Variants in ACMSD observed in about 807,000 individuals in gnomAD.
ACMSD encodes aminocarboxymuconate semialdehyde decarboxylase, also known as 2-amino-3-carboxymuconate-6-semialdehyde decarboxylase.
ACMSD carries 37 observed loss-of-function variants against 45.9 expected under a neutral mutation model. The ratio of observed to expected loss-of-function variants is 0.81; its 90% confidence interval spans 0.62 to 1.06. The LOEUF (loss-of-function observed/expected upper bound fraction) is 1.06, where lower values mean the gene tolerates loss of function less well. Ranked by LOEUF, ACMSD falls within the 50% of genes least tolerant of loss-of-function variation. ACMSD has a pLI of 0.00. For synonymous variants in ACMSD, 138 were observed against 148.8 expected (o/e 0.93, Z 0.53); for missense variants, 434 against 420.9 (o/e 1.03, Z -0.27).
chr2:134,853,339 T>C (rs1687436506), intron 2 of ACMSD, among the ~76,000 whole-genome samples: 1 of 152,000 alleles, frequency 6.6e-6, no homozygotes, highest in African/African-American at 2.4e-5. Flanking sequence ...GACTCCAAGA[T>C]GAAGTTCTGG....
chr2:134,888,936 T>C (rs764284498), intron 8 of ACMSD, among the ~76,000 whole-genome samples: 27 of 152,350 alleles, frequency 1.8e-4, no homozygotes, highest in Non-Finnish European at 4.0e-4. Flanking sequence ...GCAATGCCAG[T>C]GTATTCTTTG....
chr2:134,871,682 G>GACACACACACACAC lies in ACMSD; in HGVS notation c.676+640_676+653dup, dbSNP rs1170611331. ...TGAATTTGTGACCCTTCAACAGACAGACACACACACACACACACACACACA... is the reference window on the plus strand; with the variant it reads ...TGAATTTGTGACCCTTCAACAGACAGACACACACACACACACACACACACACACACACACACACA... On this transcript the variant is annotated intron_variant, in intron 7 of 9. Transcript: ENST00000356140. Among the ~76,000 whole-genome samples, 237 of 138,994 alleles carry GACACACACACACAC rather than the reference G, an allele frequency of 1.7e-3. 2 individuals are homozygous for GACACACACACACAC. The highest frequency in any genetic ancestry group is 1.4e-3 in the Non-Finnish European group (89 of 64,864). The allele number at this position is 138,994 out of a possible 152,430, so 91.2% of individuals were successfully genotyped here. A position where few individuals can be genotyped will look rare whatever the true frequency, so the allele number is the denominator to read the frequency against.
chr2:134,883,587 G>A (rs1350845137), intron 8 of ACMSD, among the ~76,000 whole-genome samples: 1 of 152,104 alleles, frequency 6.6e-6, no homozygotes, highest in African/African-American at 2.4e-5. Context: ...CTGCAGCCTT[G>A]AACTCCTGGA....
At chr2:134,871,678 G>C (rs79090623) in intron 7 of ACMSD, among the ~76,000 whole-genome samples, 10 of 137,738 alleles carry the variant, frequency 7.3e-5, no homozygotes, top group South Asian at 2.4e-4. Flanking sequence ...CCCTTCAACA[G>C]ACAGACACAC....
intron 5 of ACMSD, among the ~76,000 whole-genome samples, chr2:134,864,525 A>G (rs1453372038): frequency 3.3e-5 from 5 of 152,216 alleles, no homozygotes; most frequent in East Asian, 1.9e-4. Flanking sequence ...AATTTCCAAC[A>G]TAAGTGAAAA....
chr2:134,858,384 T>C (rs770528872), intron 2 of ACMSD, among the ~76,000 whole-genome samples: 5 of 151,892 alleles, frequency 3.3e-5, no homozygotes, highest in African/African-American at 7.3e-5. Flanking sequence ...TGGGGAGAGA[T>C]TGAGAAGGTC....
intron 2 of ACMSD, among the ~76,000 whole-genome samples, chr2:134,849,807 A>T (rs981134163): frequency 1.3e-5 from 2 of 152,170 alleles, no homozygotes; most frequent in Non-Finnish European, 2.9e-5. Context: ...ACCTGCCAGG[A>T]TCTGCATGGG....
chr2:134,839,478 G>T (rs1686684889), intron 1 of ACMSD, among the ~76,000 whole-genome samples: 1 of 152,160 alleles, frequency 6.6e-6, no homozygotes, highest in East Asian at 1.9e-4. Flanking sequence ...CTAGAGGTTT[G>T]TTCAGGCTTA....
intron 9 of ACMSD, among the ~76,000 whole-genome samples, chr2:134,900,736 T>C (rs1690451732): frequency 6.6e-6 from 1 of 152,128 alleles, no homozygotes; most frequent in Non-Finnish European, 1.5e-5. Context: ...GACTGCTGTA[T>C]ATAGGCAGAT....
chr2:134,875,714 G>A (rs1052536991), intron 8 of ACMSD, among the ~76,000 whole-genome samples: 12 of 152,200 alleles, frequency 7.9e-5, no homozygotes, highest in Non-Finnish European at 1.0e-4. Context: ...CACTATTTAA[G>A]TGGATAGATT....
intron 1 of ACMSD, among the ~76,000 whole-genome samples, chr2:134,842,301 T>C (rs1686841326): frequency 1.3e-5 from 2 of 152,056 alleles, no homozygotes; most frequent in Admixed American, 6.6e-5. Context: ...CCTAAATAAG[T>C]TGAGTCTTTG....
intron 8 of ACMSD, among the ~76,000 whole-genome samples, chr2:134,879,173 T>C (rs2104907500): frequency 6.6e-6 from 1 of 152,334 alleles, no homozygotes; most frequent in South Asian, 2.1e-4. Flanking sequence ...ACAATCCCCA[T>C]AGTACCAGTC....
chr2:134,864,583 T>C (rs1221852246), intron 5 of ACMSD, among the ~76,000 whole-genome samples: 2 of 151,946 alleles, frequency 1.3e-5, no homozygotes, highest in African/African-American at 4.8e-5. Flanking sequence ...TTCCAATATA[T>C]GGCTATGCTT....
At chr2:134,896,764 C>T (rs945927485) in intron 8 of ACMSD, among the ~76,000 whole-genome samples, 2 of 152,134 alleles carry the variant, frequency 1.3e-5, no homozygotes, top group African/African-American at 2.4e-5. Flanking sequence ...ATGGACTCAC[C>T]ATATGCGCCA....
intron 5 of ACMSD, among the ~76,000 whole-genome samples, chr2:134,864,963 T>A (rs979765273): frequency 2.6e-5 from 4 of 152,378 alleles, no homozygotes; most frequent in African/African-American, 7.2e-5. Context: ...TTGCATTTTT[T>A]AATTTTTTAT....
chr2:134,845,307 T>A, intron 2 of ACMSD, 30 bp downstream of exon 2: 3 of 1,613,838 alleles, frequency 1.9e-6, no homozygotes, highest in Non-Finnish European at 2.5e-6. Context: ...TGAACATCAG[T>A]AGCACTCAGG....
intron 1 of ACMSD, among the ~76,000 whole-genome samples, chr2:134,844,908 T>C (rs951927173): frequency 1.3e-5 from 2 of 152,222 alleles, no homozygotes; most frequent in African/African-American, 4.8e-5. Flanking sequence ...AGCTATGTAC[T>C]CCTGGTAGCC....
intron 7 of ACMSD, among the ~76,000 whole-genome samples, chr2:134,872,013 G>C (rs1268527980): frequency 6.7e-6 from 1 of 149,272 alleles, no homozygotes; most frequent in Non-Finnish European, 1.5e-5. Flanking sequence ...CTGGAGTGCA[G>C]TGGTGCAATC....
intron 9 of ACMSD, among the ~76,000 whole-genome samples, chr2:134,899,166 T>A (rs2104974463): frequency 6.6e-6 from 1 of 152,336 alleles, no homozygotes; most frequent in Middle Eastern, 3.4e-3. Context: ...GTTGTAATCC[T>A]TTTGCATAAT....
Sources: allele counts gnomAD v4.1 joint callset (sites outside exome capture counted in the v4.1 genomes callset), GRCh38; gene constraint gnomAD v4.1.1; transcripts MANE v1.5; gene names NCBI Gene and HGNC (gene_info 2026-07-23, HGNC 2026-07-21).